Variants in FSTL5 observed in about 807,000 individuals in gnomAD.
The protein encoded by FSTL5 is follistatin like 5.
Under a neutral mutation model 89.1 loss-of-function variants are expected in FSTL5, and 62 were observed. The ratio of observed to expected loss-of-function variants is 0.70; its 90% confidence interval spans 0.57 to 0.86. The LOEUF is 0.86. FSTL5 is among the 40% of genes least tolerant of loss of function. The pLI is 0.00. For missense variants in FSTL5, 1,057 were observed against 1,001.6 expected (o/e 1.06, Z -0.75); for synonymous variants, 383 against 346.2 (o/e 1.11, Z -1.18).
At chr4:162,059,120 C>G (rs900035389) in intron 2 of FSTL5, among the ~76,000 whole-genome samples, 18 of 152,040 alleles carry the variant, frequency 1.2e-4, no homozygotes, top group African/African-American at 4.3e-4. Context: ...TTTTAAACAA[C>G]AATACAAATT....
intron 3 of FSTL5, among the ~76,000 whole-genome samples, chr4:162,006,582 TA>T (rs1394133484): frequency 6.6e-6 from 1 of 151,988 alleles, no homozygotes; most frequent in African/African-American, 2.4e-5. Context: ...GAGTACTCAA[TA>T]ATTAGCATTA....
At chr4:161,678,830 T>C (rs1369154047) in intron 6 of FSTL5, among the ~76,000 whole-genome samples, 1 of 151,786 alleles carries the variant, frequency 6.6e-6, no homozygotes, top group East Asian at 1.9e-4. Flanking sequence ...TTTTGATACC[T>C]GAGAGTGAAG....
At chr4:162,025,919 A>T (rs1049430767) in intron 3 of FSTL5, among the ~76,000 whole-genome samples, 2 of 152,020 alleles carry the variant, frequency 1.3e-5, no homozygotes, top group Non-Finnish European at 2.9e-5. Flanking sequence ...TTCAAATAAC[A>T]TAAAAATACT....
At chr4:161,412,307 A>ATATCAGTC (rs1264717930) in intron 15 of FSTL5, among the ~76,000 whole-genome samples, 1 of 152,106 alleles carries the variant, frequency 6.6e-6, no homozygotes, top group Admixed American at 6.6e-5. Flanking sequence ...CAAACTACCA[A>ATATCAGTC]TATCAGTCTT....
In FSTL5 at chr4:161,961,696, T is replaced by C. The variant is rs1735182873; in HGVS notation, c.161-41044A>G. On this transcript the variant is annotated intron_variant, in intron 3 of 15. Transcript: ENST00000306100. ...TTACTGTTAGCAATAGATTTCTCCATAGAAAAAAAAGAACAATATCAATTT... is the reference window on the plus strand; with the variant it reads ...TTACTGTTAGCAATAGATTTCTCCACAGAAAAAAAAGAACAATATCAATTT... 2.0e-5 allele frequency among the ~76,000 whole-genome samples: 3 copies of C among 151,658 alleles called. No homozygotes were observed. In the South Asian group the frequency reaches 6.2e-4, roughly 31 times the overall value.
Position 161,470,468 on chromosome 4 carries a change from TAC to T in FSTL5, c.1608+10550_1608+10551del, listed in dbSNP as rs533551714. On this transcript the variant is annotated intron_variant, in intron 13 of 15. Coordinates refer to ENST00000306100, the MANE Select transcript of FSTL5 (RefSeq NM_020116.5). ...TGTATACCTGTCTTTATGCTAGTAC[TAC>T]ACAGTTTTTGATTATTGTAGCCTTT... Among the ~76,000 whole-genome samples the T allele has an allele frequency of 2.5e-3, 387 of 152,328 alleles. 3 individuals carry two copies. Among genetic ancestry groups the T allele is most frequent in the African/African-American group, 8.8e-3 (364 of 41,582 alleles).
chr4:161,827,961 A>C (rs1382365935), intron 4 of FSTL5, among the ~76,000 whole-genome samples: 1 of 152,186 alleles, frequency 6.6e-6, no homozygotes, highest in African/African-American at 2.4e-5. Flanking sequence ...CCATCCCCTG[A>C]GTTCTGTCCA....
At chr4:161,487,992 T>C (rs1729738060) in intron 12 of FSTL5, among the ~76,000 whole-genome samples, 1 of 152,058 alleles carries the variant, frequency 6.6e-6, no homozygotes, top group East Asian at 1.9e-4. Flanking sequence ...TCTGAGCTAT[T>C]TGTGAATATG....
chr4:161,592,584 C>T (rs940482064), intron 7 of FSTL5, among the ~76,000 whole-genome samples: 2 of 152,072 alleles, frequency 1.3e-5, no homozygotes, highest in African/African-American at 4.8e-5. Context: ...TCATCCATGT[C>T]GCTGCAAAGG....
intron 7 of FSTL5, among the ~76,000 whole-genome samples, chr4:161,642,296 A>C (rs897229479): frequency 6.6e-6 from 1 of 152,174 alleles, no homozygotes. Context: ...ATATACAAAA[A>C]TGATTTCCAG....
At chr4:161,389,056 C>T (rs1730737536) in intron 15 of FSTL5, among the ~76,000 whole-genome samples, 1 of 152,052 alleles carries the variant, frequency 6.6e-6, no homozygotes, top group Non-Finnish European at 1.5e-5. Flanking sequence ...ATGAGAATGC[C>T]TGCAATTTTT....
chr4:162,025,590 G>A (rs1028463431), intron 3 of FSTL5, among the ~76,000 whole-genome samples: 10 of 151,792 alleles, frequency 6.6e-5, no homozygotes, highest in African/African-American at 2.2e-4. Context: ...AGTGTCCTGT[G>A]GATAATGATT....
intron 2 of FSTL5, among the ~76,000 whole-genome samples, chr4:162,053,582 T>C (rs1294047495): frequency 6.6e-6 from 1 of 151,726 alleles, no homozygotes; most frequent in African/African-American, 2.4e-5. Flanking sequence ...TTGAAATTCC[T>C]GAATATAGAA....
chr4:161,744,355 A>G (rs1252696700), intron 6 of FSTL5, among the ~76,000 whole-genome samples: 2 of 152,114 alleles, frequency 1.3e-5, no homozygotes, highest in Non-Finnish European at 2.9e-5. Context: ...CAAAGCTGAG[A>G]TGAGTTGTAC....
intron 1 of FSTL5, among the ~76,000 whole-genome samples, chr4:162,126,953 C>G (rs771769003): frequency 1.3e-5 from 2 of 152,178 alleles, no homozygotes; most frequent in Non-Finnish European, 2.9e-5. Context: ...GAGAGCATTG[C>G]AGATTCAGTC....
chr4:161,412,449 A>G (rs1406285013), intron 15 of FSTL5, among the ~76,000 whole-genome samples: 1 of 151,838 alleles, frequency 6.6e-6, no homozygotes, highest in Non-Finnish European at 1.5e-5. Flanking sequence ...GAACTGAACA[A>G]TGAGAACACT....
intron 15 of FSTL5, among the ~76,000 whole-genome samples, chr4:161,452,933 A>T (rs1368045343): frequency 6.6e-6 from 1 of 152,178 alleles, no homozygotes; most frequent in Non-Finnish European, 1.5e-5. Context: ...ATAGTTGTTC[A>T]CAATAGTTAG....
chr4:162,033,677 A>C lies in FSTL5; in HGVS notation c.127-19T>G. The C allele has an allele frequency of 1.4e-6, 2 of 1,384,560 alleles. No individual in the cohort carries two copies. Among genetic ancestry groups the C allele is most frequent in the Non-Finnish European group, 2.0e-6 (2 of 994,188 alleles). The allele number at this position is 1,384,560 out of a possible 1,614,324, so 85.8% of individuals were successfully genotyped here. A position where few individuals can be genotyped will look rare whatever the true frequency, so the allele number is the denominator to read the frequency against. On this transcript the variant is annotated intron_variant, in intron 2 of 15. Coordinates refer to ENST00000306100, the MANE Select transcript of FSTL5 (RefSeq NM_020116.5). ...TTTCCTGCTGGAAATAAAACAGAAA[A>C]TAGGTCAAAATATGTAAGTAAATAT... is the stretch of plus-strand genomic sequence containing the variant.
chr4:161,605,918 T>A (rs996425339), intron 7 of FSTL5, among the ~76,000 whole-genome samples: 5 of 149,552 alleles, frequency 3.3e-5, no homozygotes, highest in African/African-American at 1.3e-4. Context: ...TATTAGCAAA[T>A]GTAATGCAAG....
Sources: allele counts gnomAD v4.1 joint callset (sites outside exome capture counted in the v4.1 genomes callset), GRCh38; gene constraint gnomAD v4.1.1; transcripts MANE v1.5; gene names NCBI Gene and HGNC (gene_info 2026-07-23, HGNC 2026-07-21).